The following EPHA5 variants were observed in gnomAD, a reference collection of about 807,000 sequenced individuals.
EPHA5 encodes the protein ephrin type-A receptor 5.
A neutral mutation model predicts 105.0 loss-of-function variants in EPHA5; 60 were observed. The observed-to-expected ratio is 0.57, with a 90% CI of 0.46 to 0.71. The LOEUF is 0.71. EPHA5 is among the 30% of genes least tolerant of loss of function. The pLI, the probability that EPHA5 is intolerant of heterozygous loss-of-function variation, is 0.00. For synonymous variants in EPHA5, 513 were observed against 449.1 expected (o/e 1.14, Z -1.80); for missense variants, 1,218 against 1,274.7 (o/e 0.96, Z 0.68).
At chr4:65,558,706 A>G (rs1371378198) in intron 3 of EPHA5, among the ~76,000 whole-genome samples, 1 of 151,944 alleles carries the variant, frequency 6.6e-6, no homozygotes, top group Non-Finnish European at 1.5e-5. Context: ...CGCACCCCAC[A>G]ACAGGCCCTG....
intron 8 of EPHA5, among the ~76,000 whole-genome samples, chr4:65,387,540 T>C (rs1032727357): frequency 1.3e-5 from 2 of 151,810 alleles, no homozygotes; most frequent in African/African-American, 2.4e-5. Context: ...CTAGCACAGG[T>C]TTGAAATGAT....
At chr4:65,490,328 T>G (rs2149211576) in intron 5 of EPHA5, 49 bp downstream of exon 5, 2 of 1,536,670 alleles carry the variant, frequency 1.3e-6, no homozygotes, top group Admixed American at 1.7e-5. Context: ...TGGAAATAAT[T>G]GACAGAACTA....
intron 3 of EPHA5, among the ~76,000 whole-genome samples, chr4:65,566,300 G>T (rs1442884126): frequency 6.6e-6 from 1 of 151,560 alleles, no homozygotes; most frequent in African/African-American, 2.4e-5. Context: ...AATTCTCTCT[G>T]GTAGATGTGT....
At chr4:65,577,399 C>A (rs1741164568) in intron 3 of EPHA5, among the ~76,000 whole-genome samples, 1 of 151,994 alleles carries the variant, frequency 6.6e-6, no homozygotes, top group Non-Finnish European at 1.5e-5. Flanking sequence ...AAATTAGTGA[C>A]AATTGCATCA....
chr4:65,351,527 G>A lies in EPHA5; in HGVS notation c.2307C>T (p.Tyr769=), dbSNP rs761764875. The change falls in exon 13 of 17, where the codon TAC becomes TAT. Residue 769 remains tyrosine (Y), a synonymous_variant. Coordinates refer to ENST00000613740, the MANE Select transcript of EPHA5 (RefSeq NM_001281766.3). ...MLRGISAGMK[Y]LSDMGYVHRD... ...TATGCACATAGCCCATGTCAGAAAG[G>A]TACTTCATTCCTGCAGAGATACCTC... 2.5e-6 allele frequency: 4 copies of A among 1,613,680 alleles called. No homozygotes were observed. Among genetic ancestry groups the A allele is most frequent in the South Asian group, 1.1e-5 (1 of 91,072 alleles).
chr4:65,670,081 T>C lies in EPHA5; in HGVS notation c.-339A>G, dbSNP rs1266732256. The C allele has an allele frequency of 3.5e-5, 11 of 311,934 alleles. No individual in the cohort carries two copies. In the South Asian group the frequency reaches 6.4e-4, roughly 18 times the overall value. 19.3% of individuals were successfully genotyped at this position (311,934 alleles called of 1,614,324 possible). A position where few individuals can be genotyped will look rare whatever the true frequency, so the allele number is the denominator to read the frequency against. ...TTTTTACGGATTGAGAATTTTTAAA[T>C]ACCACTAGGGGAAAGGTGAAGGTTC... On this transcript the variant is annotated 5_prime_UTR_variant, in exon 1 of 17. Coordinates refer to ENST00000613740, the MANE Select transcript of EPHA5 (RefSeq NM_001281766.3).
chr4:65,432,407 T>G (rs1264170267), intron 5 of EPHA5, among the ~76,000 whole-genome samples: 2 of 152,070 alleles, frequency 1.3e-5, no homozygotes, highest in South Asian at 4.1e-4. Context: ...GGAAATAAGG[T>G]TGGTTAACAA....
intron 8 of EPHA5, among the ~76,000 whole-genome samples, chr4:65,399,656 G>A (rs541794513): frequency 5.3e-5 from 8 of 152,302 alleles, no homozygotes; most frequent in African/African-American, 1.9e-4. Flanking sequence ...TTATATGCAA[G>A]AACATGTGCA....
chr4:65,348,697 T>TATATATATATAA (rs1434874583), intron 13 of EPHA5, among the ~76,000 whole-genome samples: 3 of 24,432 alleles, frequency 1.2e-4, no homozygotes, highest in African/African-American at 3.4e-4. Flanking sequence ...TATATATATA[T>TATATATATATAA]AAAATATATA....
At chr4:65,489,240 T>A (rs2149209220) in intron 5 of EPHA5, among the ~76,000 whole-genome samples, 1 of 152,278 alleles carries the variant, frequency 6.6e-6, no homozygotes, top group East Asian at 1.9e-4. Flanking sequence ...CCACTTGATT[T>A]ACCTGAGGTA....
chr4:65,470,599 A>G (rs1214256670), intron 5 of EPHA5, among the ~76,000 whole-genome samples: 2 of 152,202 alleles, frequency 1.3e-5, no homozygotes, highest in Non-Finnish European at 2.9e-5. Context: ...ACAGTGACAT[A>G]TAGAGTTGGA....
At chr4:65,383,344 C>T (rs562329351) in intron 8 of EPHA5, among the ~76,000 whole-genome samples, 24 of 151,454 alleles carry the variant, frequency 1.6e-4, no homozygotes, top group South Asian at 8.3e-4. Flanking sequence ...TTATGAAAGG[C>T]CTGGACATGA....
chr4:65,490,797 G>A, intron 4 of EPHA5, 85 bp from the exon 5 acceptor site: 2 of 1,341,688 alleles, frequency 1.5e-6, no homozygotes, highest in African/African-American at 1.5e-5. Flanking sequence ...CTGGTCTGAA[G>A]GAAAAAATAG....
intron 1 of EPHA5, among the ~76,000 whole-genome samples, chr4:65,644,870 G>A (rs947785182): frequency 5.9e-5 from 9 of 151,732 alleles, no homozygotes; most frequent in Non-Finnish European, 1.2e-4. Context: ...ACATATATAG[G>A]TTGTTGCTAA....
At chr4:65,368,638 A>G (rs980140708) in intron 8 of EPHA5, among the ~76,000 whole-genome samples, 10 of 152,226 alleles carry the variant, frequency 6.6e-5, no homozygotes, top group African/African-American at 2.4e-4. Context: ...TCCTTTCCTA[A>G]ACTCTACTAG....
intron 3 of EPHA5, among the ~76,000 whole-genome samples, chr4:65,584,807 T>A (rs192711700): frequency 2.3e-4 from 35 of 152,114 alleles, no homozygotes; most frequent in African/African-American, 7.2e-4. Context: ...CAAAATAACT[T>A]ATGAAAGTAT....
chr4:65,570,124 A>T (rs570838995), intron 3 of EPHA5, among the ~76,000 whole-genome samples: 1 of 151,864 alleles, frequency 6.6e-6, no homozygotes, highest in South Asian at 2.1e-4. Flanking sequence ...GTATGAGTTC[A>T]GAGAAGTTCT....
At chr4:65,364,001 T>C (rs1717600889) in intron 11 of EPHA5, among the ~76,000 whole-genome samples, 1 of 151,594 alleles carries the variant, frequency 6.6e-6, no homozygotes, top group Admixed American at 6.6e-5. Context: ...TCCTGCCTCT[T>C]GCCTTTCTTT....
In EPHA5 at chr4:65,669,631, C is replaced by A; in HGVS notation, c.112G>T (p.Ala38Ser). The change falls in exon 1 of 17, where the codon GCT (alanine) becomes TCT (serine). Residue 38 changes from alanine to serine, a missense_variant. Physicochemically the swap from Ala to Ser is moderately conservative, Grantham distance 99. This residue lies in a region of EPHA5 where 233 missense variants were observed against 227.5 expected (regional missense o/e 1.02). Transcript: ENST00000613740. The part of the protein sequence containing the change: ...LAGCYSAPRR[A>S]PLWTCLLLCA... ...AGGAGAAGGCACGTCCAGAGGGGAG[C>A]CCGTCGAGGTGCAGAGTAGCAGCCG... 7.1e-7 allele frequency: 1 copy of A among 1,414,524 alleles called. No homozygotes were observed. The highest frequency in any genetic ancestry group is 9.3e-7 in the Non-Finnish European group (1 of 1,078,076). The allele number at this position is 1,414,524 out of a possible 1,614,324, so 87.6% of individuals were successfully genotyped here.
Sources: gnomAD v4.1 joint callset for allele counts (sites outside exome capture counted in the v4.1 genomes callset) on GRCh38, gnomAD v4.1.1 for gene constraint, gnomAD v4.1.1 regional missense constraint, MANE v1.5 for transcripts, NCBI Gene and HGNC (gene_info 2026-07-23, HGNC 2026-07-21) for gene names.